FRMD4A: variants seen among roughly 807,000 people sequenced by gnomAD.
FRMD4A encodes FERM domain-containing protein 4A.
A neutral mutation model predicts 129.1 loss-of-function variants in FRMD4A; 29 were observed. The ratio of observed to expected loss-of-function variants is 0.22; its 90% confidence interval spans 0.17 to 0.31. The LOEUF (loss-of-function observed/expected upper bound fraction) is 0.31. Among genes scored for constraint, FRMD4A ranks in the 10% least tolerant of loss-of-function variants. FRMD4A has a pLI of 1.00. For missense variants in FRMD4A, 1,272 were observed against 1,375.8 expected (o/e 0.92, Z 1.19); for synonymous variants, 634 against 571.6 (o/e 1.11, Z -1.56).
At chr10:14,276,602 G>A (rs1398758978) in intron 2 of FRMD4A, among the ~76,000 whole-genome samples, 3 of 152,188 alleles carry the variant, frequency 2.0e-5, no homozygotes, top group East Asian at 1.9e-4. Flanking sequence ...CCTGCCCAGG[G>A]AAGCCCAAAG....
At chr10:14,143,175 T>C (rs1391796437) in intron 2 of FRMD4A, among the ~76,000 whole-genome samples, 2 of 152,228 alleles carry the variant, frequency 1.3e-5, no homozygotes, top group Non-Finnish European at 2.9e-5. Context: ...GAAGAGATAG[T>C]TGTACGTCCA....
At chr10:13,955,172 A>G (rs2095402842) in intron 2 of FRMD4A, among the ~76,000 whole-genome samples, 1 of 136,184 alleles carries the variant, frequency 7.3e-6, no homozygotes, top group South Asian at 2.4e-4. Flanking sequence ...CAGTGGCTCA[A>G]TCTCAGCTCA....
rs534159473 is a variant in FRMD4A at position 14,185,562 on chromosome 10, T to C, written c.45+144496A>G. Among the ~76,000 whole-genome samples the C allele has an allele frequency of 1.4e-4, 21 of 152,256 alleles. No individual in the cohort carries two copies. In the South Asian group the frequency reaches 4.4e-3, roughly 32 times the overall value. On this transcript the variant is annotated intron_variant, in intron 2 of 24. Transcript: ENST00000357447. Reference sequence around the variant, plus strand: ...ACTTGAAACATAAAGCAAGACTATTTAAAGGTTCAATCTCGTCTTGTAAGA... The same window carrying C: ...ACTTGAAACATAAAGCAAGACTATTCAAAGGTTCAATCTCGTCTTGTAAGA...
At chr10:14,112,484 C>T (rs1272102965) in intron 2 of FRMD4A, among the ~76,000 whole-genome samples, 2 of 152,208 alleles carry the variant, frequency 1.3e-5, no homozygotes, top group African/African-American at 4.8e-5. Flanking sequence ...CAGGACCTCA[C>T]CCATCTTCAC....
intron 2 of FRMD4A, among the ~76,000 whole-genome samples, chr10:13,977,462 CTT>C (rs1476758352): frequency 6.6e-6 from 1 of 152,196 alleles, no homozygotes; most frequent in African/African-American, 2.4e-5. Context: ...GCCTATCACT[CTT>C]TGTCAGTGCT....
intron 2 of FRMD4A, among the ~76,000 whole-genome samples, chr10:14,027,814 T>C (rs1833053307): frequency 6.6e-6 from 1 of 152,218 alleles, no homozygotes; most frequent in South Asian, 2.1e-4. Flanking sequence ...ACTTTAATAG[T>C]TTCCAAAGGA....
chr10:13,950,245 C>T (rs1457416121), intron 2 of FRMD4A, among the ~76,000 whole-genome samples: 1 of 152,210 alleles, frequency 6.6e-6, no homozygotes, highest in African/African-American at 2.4e-5. Flanking sequence ...GGACATTTGG[C>T]CTTTGCCATG....
intron 3 of FRMD4A, among the ~76,000 whole-genome samples, chr10:13,843,352 G>A (rs1036516401): frequency 3.3e-5 from 5 of 152,164 alleles, no homozygotes; most frequent in Non-Finnish European, 7.4e-5. Flanking sequence ...TCTGCTCCCT[G>A]TGTGAGTGTG....
chr10:14,326,964 G>A, intron 2 of FRMD4A: 3 of 398,662 alleles, frequency 7.5e-6, no homozygotes, highest in Non-Finnish European at 1.3e-5. Context: ...CCCTTCCGTG[G>A]TCATATGAGT....
chr10:14,170,748 A>G (rs1841431881), intron 2 of FRMD4A, among the ~76,000 whole-genome samples: 1 of 152,156 alleles, frequency 6.6e-6, no homozygotes, highest in Non-Finnish European at 1.5e-5. Flanking sequence ...TTATTTGGAT[A>G]TTTAAGAAAA....
intron 23 of FRMD4A, 64 bp from the exon 24 acceptor site, chr10:13,652,038 A>G: frequency 1.2e-6 from 1 of 857,300 alleles, no homozygotes. Context: ...ACACTGACAC[A>G]GACACAGACA....
intron 2 of FRMD4A, among the ~76,000 whole-genome samples, chr10:14,138,909 GTCC>G (rs1269560456): frequency 6.6e-6 from 1 of 152,162 alleles, no homozygotes; most frequent in Non-Finnish European, 1.5e-5. Context: ...GATAGCCATT[GTCC>G]TTGAGCCCTG....
chr10:13,986,707 G>T (rs1339310870), intron 2 of FRMD4A, among the ~76,000 whole-genome samples: 1 of 141,568 alleles, frequency 7.1e-6, no homozygotes, highest in Non-Finnish European at 1.6e-5. Flanking sequence ...AAAAAGAAAA[G>T]CTTTTCCCTG....
chr10:13,712,040 C>T (rs1012296664), intron 12 of FRMD4A: 1 of 152,248 alleles, frequency 6.6e-6, no homozygotes, highest in Non-Finnish European at 1.5e-5. Flanking sequence ...AAAAGCAAAT[C>T]TTTTTCATCC....
intron 15 of FRMD4A, chr10:13,685,462 C>T: frequency 1.0e-6 from 1 of 984,872 alleles, no homozygotes; most frequent in African/African-American, 1.7e-5. Flanking sequence ...CTACAGTTTC[C>T]ATTTCTTAGG....
intron 2 of FRMD4A, among the ~76,000 whole-genome samples, chr10:14,110,241 C>T (rs7918040): frequency 0.64 from 96,249 of 150,000 alleles, 30,990 homozygotes; most frequent in East Asian, 0.78. Flanking sequence ...ACACAAACTG[C>T]TGTCCAATAT....
intron 2 of FRMD4A, among the ~76,000 whole-genome samples, chr10:14,065,246 C>T (rs1041207106): frequency 6.6e-6 from 1 of 152,092 alleles, no homozygotes; most frequent in Non-Finnish European, 1.5e-5. Context: ...TGCAGTAGCA[C>T]GATCTCAGCT....
chr10:14,322,460 A>G (rs1448682505), intron 2 of FRMD4A, among the ~76,000 whole-genome samples: 1 of 152,238 alleles, frequency 6.6e-6, no homozygotes, highest in East Asian at 1.9e-4. Context: ...ACTTGCAGTT[A>G]CTAGGAGCTT....
rs547098883 is a variant in FRMD4A at position 14,318,061 on chromosome 10, T to C, written c.45+11997A>G. Among the ~76,000 whole-genome samples, 26 of 152,266 alleles carry C rather than the reference T, an allele frequency of 1.7e-4. No homozygotes were observed. In the South Asian group the frequency reaches 4.4e-3, roughly 26 times the overall value. ...TAGAGAATAGAAGGAAAACAAATAGTTGTTGATACAGGTAATGTTCATGTT... is the reference window on the plus strand; with the variant it reads ...TAGAGAATAGAAGGAAAACAAATAGCTGTTGATACAGGTAATGTTCATGTT... On this transcript the variant is annotated intron_variant, in intron 2 of 24. Coordinates refer to ENST00000357447, the MANE Select transcript of FRMD4A (RefSeq NM_018027.5).
Sources: gnomAD v4.1 joint callset for allele counts (sites outside exome capture counted in the v4.1 genomes callset) on GRCh38, gnomAD v4.1.1 for gene constraint, MANE v1.5 for transcripts, NCBI Gene and HGNC (gene_info 2026-07-23, HGNC 2026-07-21) for gene names.